GABRB3: variants seen among roughly 807,000 people sequenced by gnomAD.
GABRB3 encodes the protein gamma-aminobutyric acid type A receptor subunit beta3.
GABRB3 carries 14 observed loss-of-function variants against 52.1 expected under a neutral mutation model. That is an observed-to-expected ratio of 0.27 (90% confidence interval 0.18 to 0.42). The LOEUF (loss-of-function observed/expected upper bound fraction) is 0.42. GABRB3 is among the 10% of genes least tolerant of loss of function. The probability of loss-of-function intolerance (pLI) is 1.00; values close to 1 mark genes in which losing one functional copy is unlikely to be tolerated. For missense variants in GABRB3, 307 were observed against 609.1 expected, an observed-to-expected ratio of 0.50 and a Z score of 5.22; for synonymous variants, 260 against 232.3, an observed-to-expected ratio of 1.12 and a Z score of -1.08.
rs1025605186 is a variant in GABRB3, at chr15:26,699,553, T to C, written c.240+72849A>G. Among the ~76,000 whole-genome samples, 15 of 150,814 alleles carry C rather than the reference T, an allele frequency of 9.9e-5. 1 individual carries two copies. The highest frequency in any genetic ancestry group is 2.1e-4 in the South Asian group (1 of 4,812). On this transcript the variant is annotated intron_variant, in intron 3 of 8. Transcript: ENST00000311550. ...ATTAGCAAAGACATTTTAAAAGTTA[T>C]TATAAGTCTATTCTCGATACTCAAA... is the stretch of plus-strand genomic sequence containing the variant.
intron 3 of GABRB3, among the ~76,000 whole-genome samples, chr15:26,642,278 T>C (rs530709690): frequency 1.3e-5 from 2 of 152,262 alleles, no homozygotes; most frequent in East Asian, 3.9e-4. Context: ...AAATAGAGGA[T>C]CAACTTTTCG....
intron 3 of GABRB3, among the ~76,000 whole-genome samples, chr15:26,631,370 C>T (rs565068369): frequency 3.3e-5 from 5 of 152,248 alleles, no homozygotes; most frequent in East Asian, 3.9e-4. Context: ...CATTTGAAAG[C>T]GGAAATATTG....
At chr15:26,565,283 T>C (rs1890125170) in intron 7 of GABRB3, among the ~76,000 whole-genome samples, 1 of 152,170 alleles carries the variant, frequency 6.6e-6, no homozygotes, top group Non-Finnish European at 1.5e-5. Flanking sequence ...CTCAGTCTTG[T>C]ATTGGCAGGA....
At chr15:26,759,385 T>C (rs1225933586) in intron 3 of GABRB3, among the ~76,000 whole-genome samples, 1 of 152,084 alleles carries the variant, frequency 6.6e-6, no homozygotes, top group Non-Finnish European at 1.5e-5. Flanking sequence ...CTCAGCCCCC[T>C]GAGTAGCTGG....
upstream of GABRB3, chr15:26,773,704 C>T (rs1060504683): frequency 1.3e-6 from 2 of 1,572,702 alleles, no homozygotes; most frequent in Non-Finnish European, 1.7e-6. Flanking sequence ...GCAGCAGGAG[C>T]TCCAGGAGCC....
intron 8 of GABRB3, among the ~76,000 whole-genome samples, chr15:26,552,105 C>T (rs762303390): frequency 3.3e-5 from 5 of 151,996 alleles, no homozygotes; most frequent in Non-Finnish European, 5.9e-5. Context: ...CTCCTGGGTT[C>T]AAGCGATTCT....
intron 3 of GABRB3, among the ~76,000 whole-genome samples, chr15:26,665,205 T>C (rs1353228932): frequency 1.3e-5 from 2 of 152,248 alleles, no homozygotes; most frequent in Non-Finnish European, 2.9e-5. Context: ...TGTATCCATC[T>C]GTATGTTTCT....
At chr15:26,756,393 C>G (rs1158956258) in intron 3 of GABRB3, among the ~76,000 whole-genome samples, 3 of 149,208 alleles carry the variant, frequency 2.0e-5, no homozygotes, top group African/African-American at 7.4e-5. Flanking sequence ...CATGGTGAAA[C>G]CCCCTCTCTA....
At chr15:26,591,045 G>A (rs566685988) in intron 4 of GABRB3, among the ~76,000 whole-genome samples, 10 of 152,272 alleles carry the variant, frequency 6.6e-5, no homozygotes, top group Admixed American at 2.0e-4. Flanking sequence ...CAGAGAGCAG[G>A]ACTGAGGTGA....
chr15:26,615,988 C>T lies in GABRB3; in HGVS notation c.461+5326G>A, dbSNP rs907718049. On this transcript the variant is annotated intron_variant, in intron 4 of 8. Transcript: ENST00000311550. ...AGGAACAACCCCAGCTCTCTGCAAA[C>T]CTTCCACCATGGGGAATTTAACTTC... 7 of 1,289,092 alleles carry T rather than the reference C, an allele frequency of 5.4e-6. No homozygotes were observed. In the African/African-American group the frequency reaches 1.1e-4, roughly 20 times the overall value. The allele number at this position is 1,289,092 out of a possible 1,614,324, so 79.9% of individuals were successfully genotyped here.
chr15:26,713,267 A>G (rs1432237029), intron 3 of GABRB3, among the ~76,000 whole-genome samples: 2 of 152,210 alleles, frequency 1.3e-5, no homozygotes, highest in East Asian at 3.9e-4. Context: ...GTGGGAGGAC[A>G]GCCAAAGGAA....
chr15:26,651,916 T>G lies in GABRB3; in HGVS notation c.241-30382A>C, dbSNP rs576171826. On this transcript the variant is annotated intron_variant, in intron 3 of 8. Coordinates refer to ENST00000311550, the MANE Select transcript of GABRB3 (RefSeq NM_000814.6). ...ACAAAGCCACCTTTTGTGGGGAAAATTTTCATCTGTAGTGCATCTCCATTC... is the reference window on the plus strand; with the variant it reads ...ACAAAGCCACCTTTTGTGGGGAAAAGTTTCATCTGTAGTGCATCTCCATTC... 9.2e-5 allele frequency among the ~76,000 whole-genome samples: 14 copies of G among 152,208 alleles called. 1 individual carries two copies. The highest frequency in any genetic ancestry group is 3.1e-4 in the African/African-American group (13 of 41,522).
intron 3 of GABRB3, among the ~76,000 whole-genome samples, chr15:26,660,249 G>A (rs1472180170): frequency 6.6e-6 from 1 of 151,776 alleles, no homozygotes; most frequent in African/African-American, 2.4e-5. Flanking sequence ...AAAAAAGAAG[G>A]GAAAATATAC....
intron 4 of GABRB3, chr15:26,615,910 CA>C (rs1478668781): frequency 7.0e-6 from 9 of 1,278,462 alleles, no homozygotes; most frequent in African/African-American, 3.0e-5. Flanking sequence ...AGTAGGAAAG[CA>C]ATCTCTGCTG....
chr15:26,692,045 A>T (rs1231202005), intron 3 of GABRB3, among the ~76,000 whole-genome samples: 1 of 152,228 alleles, frequency 6.6e-6, no homozygotes, highest in Non-Finnish European at 1.5e-5. Context: ...TCTATAGTAA[A>T]TTAGACTAAA....
chr15:26,735,200 T>A (rs1244550563), intron 3 of GABRB3, among the ~76,000 whole-genome samples: 1 of 152,150 alleles, frequency 6.6e-6, no homozygotes, highest in Non-Finnish European at 1.5e-5. Context: ...TACTACCTCA[T>A]ACCCAACAGA....
intron 8 of GABRB3, among the ~76,000 whole-genome samples, chr15:26,550,740 C>T (rs144384675): frequency 3.6e-4 from 55 of 152,264 alleles, no homozygotes; most frequent in African/African-American, 1.2e-3. Context: ...GCACAGATTG[C>T]CAATACTTTA....
At chr15:26,696,545 C>G (rs998116137) in intron 3 of GABRB3, among the ~76,000 whole-genome samples, 2 of 152,092 alleles carry the variant, frequency 1.3e-5, no homozygotes, top group African/African-American at 4.8e-5. Context: ...CTGGTATAAC[C>G]CCATGTACTC....
intron 3 of GABRB3, among the ~76,000 whole-genome samples, chr15:26,708,698 C>T (rs547102004): frequency 1.3e-5 from 2 of 152,314 alleles, no homozygotes; most frequent in South Asian, 4.1e-4. Flanking sequence ...TGGAAGATAG[C>T]ACGCCACATC....
Sources: allele counts gnomAD v4.1 joint callset (sites outside exome capture counted in the v4.1 genomes callset), GRCh38; gene constraint gnomAD v4.1.1; transcripts MANE v1.5; gene names NCBI Gene and HGNC (gene_info 2026-07-23, HGNC 2026-07-21).